The following ALG6 variants were observed in gnomAD, a reference collection of about 807,000 sequenced individuals.
ALG6 encodes ALG6 alpha-1,3-glucosyltransferase, also known as dolichyl pyrophosphate Man9GlcNAc2 alpha-1,3-glucosyltransferase.
In ALG6, 46 loss-of-function variants were observed where a neutral mutation model predicts 66.6. That is an observed-to-expected ratio of 0.69 (90% CI 0.55 to 0.88). The LOEUF (loss-of-function observed/expected upper bound fraction) is 0.88, where lower values mean the gene tolerates loss of function less well. Ranked by LOEUF, ALG6 falls within the 40% of genes least tolerant of loss-of-function variation. The pLI, the probability that ALG6 is intolerant of heterozygous loss-of-function variation, is 0.00. For synonymous variants in ALG6, 185 were observed against 203.7 expected (o/e 0.91, Z 0.78); for missense variants, 505 against 586.8 (o/e 0.86, Z 1.44).
rs536385128 is a variant in ALG6, at chr1:63,371,883, G to A, written c.82+824G>A. ...CTCCCAAAGTGCTGGGATTACAGGC[G>A]TGAGCCACCGCACCCAGCTAGAGGG... On this transcript the variant is annotated intron_variant, in intron 2 of 14. Coordinates refer to ENST00000263440, the MANE Select transcript of ALG6 (RefSeq NM_013339.4). 4.7e-4 allele frequency among the ~76,000 whole-genome samples: 72 copies of A among 151,974 alleles called. 1 individual carries two copies. The highest frequency in any genetic ancestry group is 1.2e-4 in the Non-Finnish European group (8 of 67,970).
Position 63,422,395 on chromosome 1 carries a change from ATATATC to A in ALG6, c.1058+2961_1058+2966del, listed in dbSNP as rs1247988856. On this transcript the variant is annotated intron_variant, in intron 12 of 14. Coordinates refer to ENST00000263440, the MANE Select transcript of ALG6 (RefSeq NM_013339.4). The stretch of plus-strand genomic sequence containing the variant: ...TATATAAGTATAAATATATATAAAT[ATATATC>A]TATATAAATATAAATATATATATAA... 2.0e-3 allele frequency among the ~76,000 whole-genome samples: 189 copies of A among 95,584 alleles called. 1 individual carries two copies. The highest frequency in any genetic ancestry group is 7.5e-3 in the African/African-American group (171 of 22,918). 62.7% of individuals were successfully genotyped at this position (95,584 alleles called of 152,430 possible).
At chr1:63,428,711 A>AT (rs780864669) in intron 12 of ALG6, 22 bp from the exon 13 acceptor site, 90 of 1,499,340 alleles carry the variant, frequency 6.0e-5, no homozygotes, top group Middle Eastern at 2.3e-4. Context: ...ATATTAAAAT[A>AT]TTTTTTTCTT....
chr1:63,412,050 G>A lies in ALG6; in HGVS notation c.805G>A (p.Gly269Arg). 6.2e-7 allele frequency: 1 copy of A among 1,613,994 alleles called. No homozygotes were observed. The highest frequency in any genetic ancestry group is 1.3e-5 in the African/African-American group (1 of 74,990). Residue 269 changes from glycine (G) to arginine (R), a missense_variant, in exon 9 of 15, where the codon GGA becomes AGA. By Grantham distance (125) the Gly-to-Arg change is moderately radical. Transcript: ENST00000263440. ...VLRRLFPVDR[G>R]LFEDKVANIW... ...AAGAAGACTCTTCCCGGTTGATCGT[G>A]GATTATTTGAGGCATGTTTAAACAC...
intron 2 of ALG6, among the ~76,000 whole-genome samples, chr1:63,376,302 A>C (rs1648124293): frequency 6.6e-6 from 1 of 152,208 alleles, no homozygotes; most frequent in Non-Finnish European, 1.5e-5. Context: ...AAAATACAGT[A>C]TGATTATCTT....
intron 12 of ALG6, among the ~76,000 whole-genome samples, chr1:63,426,838 C>T (rs1025461974): frequency 4.6e-5 from 7 of 152,176 alleles, no homozygotes; most frequent in South Asian, 2.1e-4. Flanking sequence ...GCCCCTGCGC[C>T]GGCTGTAATA....
chr1:63,428,626 A>C, intron 12 of ALG6, 107 bp from the exon 13 acceptor site: 1 of 865,778 alleles, frequency 1.2e-6, no homozygotes, highest in East Asian at 2.7e-5. Context: ...GGCTGTTTTT[A>C]AGCTACCGCT....
chr1:63,426,184 G>T (rs12742679), intron 12 of ALG6, among the ~76,000 whole-genome samples: 22,717 of 152,150 alleles, frequency 0.15, 1,728 homozygotes, highest in Middle Eastern at 0.26. Context: ...ACAAGATGGG[G>T]AATAATCGGG....
Position 63,404,318 on chromosome 1 carries a change from T to C in ALG6, c.258-135T>C, listed in dbSNP as rs10489497. The C allele has an allele frequency of 9.5e-4, 728 of 769,404 alleles. 6 individuals are homozygous for C. In the African/African-American group the frequency reaches 9.9e-3, roughly 10 times the overall value. 47.7% of individuals were successfully genotyped at this position (769,404 alleles called of 1,614,324 possible). On this transcript the variant is annotated intron_variant, in intron 4 of 14. Transcript: ENST00000263440. ...CATGATTAAATAAAAAGAGTAAAAC[T>C]TAAGCATTGACTCTGTTGCTTTATA...
In ALG6 at chr1:63,367,675, G is replaced by C. The variant is rs1486894610; in HGVS notation, c.-220G>C. 2.0e-5 allele frequency: 3 copies of C among 152,306 alleles called. No individual in the cohort carries two copies. Among genetic ancestry groups the C allele is most frequent in the African/African-American group, 4.8e-5 (2 of 41,464 alleles). 9.4% of individuals were successfully genotyped at this position (152,306 alleles called of 1,614,324 possible). On this transcript the variant is annotated 5_prime_UTR_variant, in exon 1 of 15. Transcript: ENST00000263440. Reference sequence around the variant, plus strand: ...ACGGCAGGCGCGAATCCCAGCGGCCGGCGGGCGGCGGGGTAAGAGCATGGG... The same window carrying C: ...ACGGCAGGCGCGAATCCCAGCGGCCCGCGGGCGGCGGGGTAAGAGCATGGG...
chr1:63,372,765 T>C (rs1647976355), intron 2 of ALG6, among the ~76,000 whole-genome samples: 1 of 152,108 alleles, frequency 6.6e-6, no homozygotes, highest in African/African-American at 2.4e-5. Flanking sequence ...TTTCAAGCTA[T>C]TCTCCTGCCT....
chr1:63,370,986 A>AT lies in ALG6; in HGVS notation c.10dup (p.Trp4LeufsTer21). 6.2e-7 allele frequency: 1 copy of AT among 1,606,842 alleles called. No individual in the cohort carries two copies. The highest frequency in any genetic ancestry group is 8.5e-7 in the Non-Finnish European group (1 of 1,173,470). The stretch of plus-strand genomic sequence containing the variant: ...CCTAAATTTGAAGAACTATGGAGAA[A>AT]TGGTACTTGATGACAGTAGTGGTTT... On this transcript the variant is annotated frameshift_variant, in exon 2 of 15. Coordinates refer to ENST00000263440, the MANE Select transcript of ALG6 (RefSeq NM_013339.4). LOFTEE classifies it high-confidence loss of function.
At chr1:63,404,327 G>C in intron 4 of ALG6, 126 bp from the exon 5 acceptor site, 1 of 808,128 alleles carries the variant, frequency 1.2e-6, no homozygotes, top group Non-Finnish European at 2.2e-6. Context: ...CTTAAGCATT[G>C]ACTCTGTTGC....
intron 12 of ALG6, among the ~76,000 whole-genome samples, chr1:63,422,680 G>C (rs985932322): frequency 2.0e-5 from 3 of 151,652 alleles, no homozygotes; most frequent in Non-Finnish European, 2.9e-5. Context: ...AATGGGCCGG[G>C]CACAGTGGCT....
At chr1:63,387,427 A>G (rs1411222237) in intron 2 of ALG6, among the ~76,000 whole-genome samples, 1 of 148,568 alleles carries the variant, frequency 6.7e-6, no homozygotes, top group Non-Finnish European at 1.5e-5. Flanking sequence ...TATTTGTTTT[A>G]TATATCTAGG....
At chr1:63,432,637 TTGAA>T (rs1183857358) in intron 14 of ALG6, among the ~76,000 whole-genome samples, 2 of 152,222 alleles carry the variant, frequency 1.3e-5, no homozygotes, top group African/African-American at 2.4e-5. Context: ...TTTTTGTTTG[TTGAA>T]TGAATGAATA....
At chr1:63,388,867 T>C (rs1013879446) in intron 2 of ALG6, among the ~76,000 whole-genome samples, 2 of 152,188 alleles carry the variant, frequency 1.3e-5, no homozygotes, top group Non-Finnish European at 2.9e-5. Flanking sequence ...GCTTTTTTTT[T>C]CCTTCAGTAC....
At chr1:63,395,876 T>C (rs1352138078) in intron 2 of ALG6, among the ~76,000 whole-genome samples, 1 of 152,154 alleles carries the variant, frequency 6.6e-6, no homozygotes, top group Non-Finnish European at 1.5e-5. Context: ...GGATTGAAAA[T>C]ATTCGGGAAA....
At chr1:63,400,278 TATACGTATATATATATAC>T (rs1644452635) in intron 3 of ALG6, among the ~76,000 whole-genome samples, 1 of 21,964 alleles carries the variant, frequency 4.6e-5, no homozygotes, top group Non-Finnish European at 6.4e-5. Context: ...CGTATATATA[TATACGTATATATATATAC>T]GTATATATAT....
chr1:63,388,150 C>T (rs576583152), intron 2 of ALG6, among the ~76,000 whole-genome samples: 3 of 151,766 alleles, frequency 2.0e-5, no homozygotes, highest in Admixed American at 1.3e-4. Context: ...AACTTCTGAC[C>T]TCAAGTGATC....
Sources: gnomAD v4.1 joint callset for allele counts (sites outside exome capture counted in the v4.1 genomes callset) on GRCh38, gnomAD v4.1.1 for gene constraint, MANE v1.5 for transcripts, NCBI Gene and HGNC (gene_info 2026-07-23, HGNC 2026-07-21) for gene names.